CELF2: variants seen among roughly 807,000 people sequenced by gnomAD.
CELF2 encodes CUGBP Elav-like family member 2.
Under a neutral mutation model 62.6 loss-of-function variants are expected in CELF2, and 8 were observed. The ratio of observed to expected loss-of-function variants is 0.13; its 90% CI spans 0.07 to 0.23. The LOEUF is 0.23. CELF2 is among the 10% of genes least tolerant of loss of function. The pLI is 1.00. For missense variants in CELF2, 333 were observed against 671.0 expected (o/e 0.50, Z 5.56); for synonymous variants, 258 against 250.0 (o/e 1.03, Z -0.30).
chr10:10,758,341 T>A, the CELF2 span, among the ~76,000 whole-genome samples: 89 of 152,320 alleles, frequency 5.8e-4, no homozygotes, highest in African/African-American at 2.0e-3. Flanking sequence ...GGGCTTTGCC[T>A]GTCACCTTTA....
chr10:10,959,961 C>G (rs1348997498), intron 2 of CELF2, among the ~76,000 whole-genome samples: 1 of 152,228 alleles, frequency 6.6e-6, no homozygotes. Flanking sequence ...CATCAACATG[C>G]TTTTATTCCA....
At chr10:10,895,265 A>C (rs920965325) in intron 1 of CELF2, among the ~76,000 whole-genome samples, 2 of 152,202 alleles carry the variant, frequency 1.3e-5, no homozygotes, top group Admixed American at 6.5e-5. Context: ...CTTGATGTGA[A>C]TTTGACAGTG....
At chr10:10,846,774 G>A (rs2059042135) in intron 1 of CELF2, among the ~76,000 whole-genome samples, 1 of 152,132 alleles carries the variant, frequency 6.6e-6, no homozygotes, top group African/African-American at 2.4e-5. Flanking sequence ...TTGAAATCGA[G>A]GTCCATTTTG....
intron 2 of CELF2, among the ~76,000 whole-genome samples, chr10:10,921,789 T>C (rs1341104925): frequency 6.6e-6 from 1 of 151,340 alleles, no homozygotes; most frequent in Non-Finnish European, 1.5e-5. Context: ...GACTGGGGCC[T>C]CAGGGAGTCT....
At chr10:10,695,801 G>A in the CELF2 span, among the ~76,000 whole-genome samples, 12 of 151,832 alleles carry the variant, frequency 7.9e-5, no homozygotes, top group South Asian at 2.5e-3. Flanking sequence ...GATCGCATCG[G>A]CTCCTGAGGC....
At chr10:11,000,648 G>C (rs572754026), upstream of CELF2, among the ~76,000 whole-genome samples, 119 of 152,242 alleles carry the variant, frequency 7.8e-4, 2 homozygotes, top group Non-Finnish European at 1.5e-3. Flanking sequence ...GGTCATTTTT[G>C]AGTTGCTCAA....
chr10:11,252,698 C>T (rs1031681528), intron 4 of CELF2, among the ~76,000 whole-genome samples: 1 of 152,152 alleles, frequency 6.6e-6, no homozygotes, highest in Non-Finnish European at 1.5e-5. Context: ...AAGCTGCAGC[C>T]TCTGGCACAC....
At chr10:10,745,972 A>G in the CELF2 span, among the ~76,000 whole-genome samples, 1 of 152,362 alleles carries the variant, frequency 6.6e-6, no homozygotes, top group Middle Eastern at 3.4e-3. Flanking sequence ...GGAAATGAAC[A>G]CTAACTGTCC....
the CELF2 span, among the ~76,000 whole-genome samples, chr10:10,774,689 C>G: frequency 6.6e-6 from 1 of 152,072 alleles, no homozygotes; most frequent in African/African-American, 2.4e-5. Flanking sequence ...CCAATTAAAC[C>G]TCTTTTCTTT....
the CELF2 span, among the ~76,000 whole-genome samples, chr10:10,644,165 G>A: frequency 2.0e-5 from 3 of 152,150 alleles, no homozygotes; most frequent in South Asian, 2.1e-4. Flanking sequence ...CTGCTGCCAC[G>A]TGATAAATAG....
the CELF2 span, among the ~76,000 whole-genome samples, chr10:10,614,661 G>A: frequency 1.4e-4 from 22 of 152,144 alleles, no homozygotes; most frequent in Admixed American, 1.4e-3. Flanking sequence ...CCTGTTGACA[G>A]GGAGAGAGAT....
rs568959204 is a variant in CELF2, at chr10:11,149,974, G to A, written c.75-15512G>A. Among the ~76,000 whole-genome samples, 4 of 152,312 alleles carry A rather than the reference G, an allele frequency of 2.6e-5. No homozygotes were observed. In the South Asian group the frequency reaches 8.3e-4, roughly 32 times the overall value. On this transcript the variant is annotated intron_variant, in intron 1 of 12. Coordinates refer to ENST00000633077, the MANE Select transcript of CELF2 (RefSeq NM_001326342.2). ...AAGCTCACAGTTAAATTTCCCAGGG[G>A]AAATGTGGTTTCCAAAATTGATACC...
intron 9 of CELF2, among the ~76,000 whole-genome samples, chr10:11,289,798 T>C (rs1461552665): frequency 2.2e-4 from 34 of 152,236 alleles, no homozygotes; most frequent in Admixed American, 2.2e-3. Context: ...ACACATCAAC[T>C]TACTTAAGTA....
intron 1 of CELF2, among the ~76,000 whole-genome samples, chr10:10,912,199 G>A (rs977625036): frequency 5.3e-5 from 8 of 152,150 alleles, no homozygotes; most frequent in African/African-American, 1.4e-4. Context: ...CAGAGTCACC[G>A]CATCAGAGAG....
intron 11 of CELF2, among the ~76,000 whole-genome samples, chr10:11,323,825 C>T (rs1459960754): frequency 6.6e-6 from 1 of 152,186 alleles, no homozygotes; most frequent in African/African-American, 2.4e-5. Flanking sequence ...AGAGATGACA[C>T]ACAGGTAGAA....
chr10:10,557,687 G>C, the CELF2 span, among the ~76,000 whole-genome samples: 44 of 151,146 alleles, frequency 2.9e-4, no homozygotes, highest in Non-Finnish European at 5.2e-4. Context: ...TCTTCCATTT[G>C]TTTGTATCCT....
At chr10:10,916,934 C>CTT (rs572542157) in intron 1 of CELF2, among the ~76,000 whole-genome samples, 19 of 141,170 alleles carry the variant, frequency 1.3e-4, no homozygotes, top group Non-Finnish European at 2.3e-4. Context: ...TCTTCTTCTT[C>CTT]TTTTTTTTTT....
chr10:11,066,380 A>G (rs762978932), intron 1 of CELF2, among the ~76,000 whole-genome samples: 11 of 151,932 alleles, frequency 7.2e-5, no homozygotes, highest in South Asian at 2.1e-4. Context: ...GTGACCCTTC[A>G]CAACAACTTC....
intron 9 of CELF2, among the ~76,000 whole-genome samples, chr10:11,311,000 AACTGTTCGCACAGCTTTCCC>A (rs2094533589): frequency 6.6e-6 from 1 of 152,190 alleles, no homozygotes; most frequent in Non-Finnish European, 1.5e-5. Context: ...AAATTCTAAT[AACTGTTCGCACAGCTTTCCC>A]AACCATAAGG....
Sources: allele counts gnomAD v4.1 joint callset (sites outside exome capture counted in the v4.1 genomes callset), GRCh38; gene constraint gnomAD v4.1.1; transcripts MANE v1.5; gene names NCBI Gene and HGNC (gene_info 2026-07-23, HGNC 2026-07-21).